Variants in MBP observed in about 807,000 individuals in gnomAD.
MBP encodes myelin basic protein, also known as Golli-MBP.
A neutral mutation model predicts 35.8 loss-of-function variants in MBP; 16 were observed. That is an observed-to-expected ratio of 0.45 (90% CI 0.30 to 0.68). MBP has a LOEUF of 0.68. MBP is among the 30% of genes least tolerant of loss of function. MBP has a pLI of 0.08. For synonymous variants in MBP, 143 were observed against 159.6 expected, an observed-to-expected ratio of 0.90 and a Z score of 0.78; for missense variants, 380 against 404.7, an observed-to-expected ratio of 0.94 and a Z score of 0.52.
chr18:77,086,791 T>C (rs973146978), intron 2 of MBP, among the ~76,000 whole-genome samples: 2 of 152,246 alleles, frequency 1.3e-5, no homozygotes, highest in African/African-American at 4.8e-5. Context: ...TGAGCTATTA[T>C]AATGTTCCTA....
rs147695829 is a variant in MBP at position 77,075,625 on chromosome 18, G to A, written c.52-9240C>T. On this transcript the variant is annotated intron_variant, in intron 2 of 8. Transcript: ENST00000355994. ...AAGAAAACTGCTGAAACATGATGAT[G>A]TTTTGCTTAGGGACAAAATGGTTTC... 9.2e-5 allele frequency among the ~76,000 whole-genome samples: 14 copies of A among 152,266 alleles called. No homozygotes were observed. In the East Asian group the frequency reaches 2.7e-3, roughly 29 times the overall value.
intron 2 of MBP, among the ~76,000 whole-genome samples, chr18:77,070,997 C>A (rs537743441): frequency 3.3e-5 from 5 of 152,138 alleles, no homozygotes; most frequent in African/African-American, 1.2e-4. Flanking sequence ...ATGGCACACA[C>A]GCACACGCAC....
chr18:77,128,979 G>A (rs73970922), intron 1 of MBP, among the ~76,000 whole-genome samples: 2,792 of 151,922 alleles, frequency 0.018, 49 homozygotes, highest in African/African-American at 0.037. Context: ...TTCCAGTACC[G>A]TAAAGGTAAA....
chr18:76,985,141 G>T, intron 7 of MBP: 1 of 1,534,454 alleles, frequency 6.5e-7, no homozygotes, highest in Non-Finnish European at 8.8e-7. Flanking sequence ...GCTCTCTCAT[G>T]AGATATGCGG....
chr18:77,042,338 G>A (rs1973046880), intron 3 of MBP, among the ~76,000 whole-genome samples: 1 of 152,090 alleles, frequency 6.6e-6, no homozygotes, highest in Admixed American at 6.5e-5. Flanking sequence ...CTCAGCCCTG[G>A]GCACCACGCT....
chr18:77,126,410 A>G (rs1412699871), intron 1 of MBP, among the ~76,000 whole-genome samples: 1 of 152,214 alleles, frequency 6.6e-6, no homozygotes, highest in Admixed American at 6.5e-5. Flanking sequence ...CTTGATAAAG[A>G]ACATCCATAA....
chr18:77,118,906 G>A (rs535552331), intron 1 of MBP, among the ~76,000 whole-genome samples: 183 of 151,112 alleles, frequency 1.2e-3, no homozygotes, highest in African/African-American at 4.2e-3. Flanking sequence ...CACACACACA[G>A]CCACAACACA....
At chr18:77,072,828 G>T (rs1974505586) in intron 2 of MBP, among the ~76,000 whole-genome samples, 1 of 152,210 alleles carries the variant, frequency 6.6e-6, no homozygotes, top group East Asian at 1.9e-4. Flanking sequence ...CAGGAGGACA[G>T]TGGTCCCCAT....
chr18:77,007,032 GT>G (rs1401392072), intron 4 of MBP, among the ~76,000 whole-genome samples: 1 of 152,202 alleles, frequency 6.6e-6, no homozygotes, highest in African/African-American at 2.4e-5. Context: ...GGAGTTCTTG[GT>G]TCCGACTCTG....
chr18:77,089,575 C>T (rs908298600), intron 2 of MBP, among the ~76,000 whole-genome samples: 3 of 152,238 alleles, frequency 2.0e-5, no homozygotes, highest in Admixed American at 6.5e-5. Flanking sequence ...ACCCTGCCCA[C>T]ACCTTGATGT....
chr18:77,059,083 C>T (rs56014377), intron 3 of MBP, among the ~76,000 whole-genome samples: 66,962 of 151,972 alleles, frequency 0.44, 17,453 homozygotes, highest in African/African-American at 0.73. Context: ...ATTTAGCCGT[C>T]TCACTTACTT....
At chr18:77,028,002 A>ATTTATTTATTTATTTATTTATTTT (rs963362425) in intron 3 of MBP, among the ~76,000 whole-genome samples, 26 of 150,388 alleles carry the variant, frequency 1.7e-4, no homozygotes, top group African/African-American at 4.4e-4. Context: ...TTATTTATTT[A>ATTTATTTATTTATTTATTTATTTT]TTTTTTTATT....
chr18:77,066,682 T>C (rs559693861), intron 2 of MBP: 3 of 601,392 alleles, frequency 5.0e-6, no homozygotes, highest in South Asian at 4.2e-5. Flanking sequence ...TGCCATCCCA[T>C]TTATTCCAAG....
chr18:77,033,858 A>T (rs950680959), intron 3 of MBP, among the ~76,000 whole-genome samples: 1 of 151,024 alleles, frequency 6.6e-6, no homozygotes, highest in African/African-American at 2.4e-5. Flanking sequence ...ATCCATCCAC[A>T]TATCCATTTA....
chr18:77,074,093 G>A (rs772938664), intron 2 of MBP, among the ~76,000 whole-genome samples: 2 of 152,192 alleles, frequency 1.3e-5, no homozygotes, highest in African/African-American at 4.8e-5. Flanking sequence ...GCACAGAAAG[G>A]GTTGCTTCTG....
At position 77,066,323 on chromosome 18, in the gene MBP, T is replaced by C. The variant is rs764273483; in HGVS notation, c.114A>G (p.Thr38=). The change falls in exon 3 of 9, where the codon ACA becomes ACG. Residue 38 remains threonine (T), a synonymous_variant. Transcript: ENST00000355994. ...CGAACACTTCGTTGTCCTCTGAGGT[T>C]GTCCGTGAAAGTTCACCCAGGTTTC... ...KKRNLGELSR[T]TSEDNEVFGE... The C allele has an allele frequency of 1.8e-5, 29 of 1,614,102 alleles. No homozygotes were observed. The highest frequency in any genetic ancestry group is 2.4e-5 in the Non-Finnish European group (28 of 1,180,024).
intron 1 of MBP, among the ~76,000 whole-genome samples, chr18:77,116,039 T>G (rs12962471): frequency 1.1e-5 from 1 of 93,970 alleles, no homozygotes; most frequent in Non-Finnish European, 2.5e-5. Context: ...CTTTCCAGAG[T>G]CTTCCAGGTT....
intron 2 of MBP, among the ~76,000 whole-genome samples, chr18:77,089,919 G>T (rs895275527): frequency 2.6e-5 from 4 of 152,088 alleles, no homozygotes; most frequent in African/African-American, 7.2e-5. Context: ...ACCTAGAATG[G>T]CATCTTCATC....
At position 77,101,596 on chromosome 18, in the gene MBP, A is replaced by ACC. The variant is rs1378472144; in HGVS notation, c.51+3614_51+3615insGG. 1.3e-5 allele frequency among the ~76,000 whole-genome samples: 2 copies of ACC among 152,124 alleles called. No homozygotes were observed. The highest frequency in any genetic ancestry group is 2.9e-5 in the Non-Finnish European group (2 of 68,010). On this transcript the variant is annotated intron_variant, in intron 2 of 8. Coordinates refer to ENST00000355994, the MANE Select transcript of MBP (RefSeq NM_001025101.2). The surrounding 1 kb of genome is among the most constrained non-coding windows in gnomAD (Gnocchi z 4.3). The stretch of plus-strand genomic sequence containing the variant: ...ACTGGCCCAGGAAGGTGGCTCAACC[A>ACC]CTTGTTACCAGGGACCTGCACCCCA...
Sources: allele counts gnomAD v4.1 joint callset (sites outside exome capture counted in the v4.1 genomes callset), GRCh38; gene constraint gnomAD v4.1.1; non-coding constraint Gnocchi (gnomAD v3.1); transcripts MANE v1.5; gene names NCBI Gene and HGNC (gene_info 2026-07-23, HGNC 2026-07-21).